NR3C2: variants seen among roughly 807,000 people sequenced by gnomAD.
The protein encoded by NR3C2 is nuclear receptor subfamily 3 group C member 2.
A neutral mutation model predicts 86.4 loss-of-function variants in NR3C2; 15 were observed. That is an observed-to-expected ratio of 0.17 (90% CI 0.12 to 0.27). The LOEUF (loss-of-function observed/expected upper bound fraction) is 0.27. Ranked by LOEUF, NR3C2 falls within the 10% of genes least tolerant of loss-of-function variation. NR3C2 has a pLI of 1.00. For missense variants in NR3C2, 960 were observed against 1,195.6 expected, an observed-to-expected ratio of 0.80 and a Z score of 2.91; for synonymous variants, 458 against 450.5, an observed-to-expected ratio of 1.02 and a Z score of -0.21.
chr4:148,275,941 C>T (rs1392745677), intron 2 of NR3C2, among the ~76,000 whole-genome samples: 1 of 151,926 alleles, frequency 6.6e-6, no homozygotes, highest in Non-Finnish European at 1.5e-5. Flanking sequence ...ATGTATGACA[C>T]ATTATGTATT....
chr4:148,390,210 T>A, intron 2 of NR3C2, among the ~76,000 whole-genome samples: 1 of 143,182 alleles, frequency 7.0e-6, no homozygotes, highest in Non-Finnish European at 1.5e-5. Flanking sequence ...CTGCGGGAAA[T>A]ATGATCAGGA....
chr4:148,277,427 A>T (rs1462921224), intron 2 of NR3C2, among the ~76,000 whole-genome samples: 1 of 152,188 alleles, frequency 6.6e-6, no homozygotes, highest in Non-Finnish European at 1.5e-5. Flanking sequence ...CATCAAAAAC[A>T]TATGTAAGCC....
chr4:148,354,212 C>A (rs528830884), intron 2 of NR3C2, among the ~76,000 whole-genome samples: 11 of 152,020 alleles, frequency 7.2e-5, no homozygotes, highest in Admixed American at 7.2e-4. Flanking sequence ...ACTTAATGAA[C>A]AGTTAAGTAT....
chr4:148,345,846 T>C (rs1210646434), intron 2 of NR3C2, among the ~76,000 whole-genome samples: 3 of 152,046 alleles, frequency 2.0e-5, no homozygotes, highest in Non-Finnish European at 4.4e-5. Context: ...AGAGCAAAAG[T>C]TGGACCCAGT....
intron 2 of NR3C2, among the ~76,000 whole-genome samples, chr4:148,426,260 C>T (rs191314096): frequency 1.3e-5 from 2 of 152,320 alleles, no homozygotes; most frequent in African/African-American, 4.8e-5. Flanking sequence ...CAATCCAATC[C>T]AATCCCTTCT....
intron 2 of NR3C2, among the ~76,000 whole-genome samples, chr4:148,321,653 G>T (rs1328513662): frequency 1.3e-5 from 2 of 151,962 alleles, no homozygotes; most frequent in African/African-American, 2.4e-5. Context: ...TGTCTCTTTT[G>T]ATCTTTGTTG....
chr4:148,410,587 T>C (rs1748646054), intron 2 of NR3C2, among the ~76,000 whole-genome samples: 1 of 152,130 alleles, frequency 6.6e-6, no homozygotes, highest in African/African-American at 2.4e-5. Flanking sequence ...GAAATAAAAT[T>C]AAAATACAAC....
chr4:148,175,418 A>G (rs1735329974), intron 4 of NR3C2, among the ~76,000 whole-genome samples: 1 of 152,154 alleles, frequency 6.6e-6, no homozygotes, highest in Non-Finnish European at 1.5e-5. Context: ...GATGATTCTG[A>G]GCTGCAGTGA....
intron 2 of NR3C2, among the ~76,000 whole-genome samples, chr4:148,367,936 G>T (rs945209190): frequency 6.6e-6 from 1 of 150,544 alleles, no homozygotes; most frequent in African/African-American, 2.4e-5. Flanking sequence ...ACCCAGAGAG[G>T]CACCAGAGCA....
chr4:148,307,723 G>A (rs1309574641), intron 2 of NR3C2, among the ~76,000 whole-genome samples: 9 of 152,074 alleles, frequency 5.9e-5, no homozygotes, highest in African/African-American at 2.2e-4. Flanking sequence ...GAAGGGTAAA[G>A]TCACAAAGGA....
At chr4:148,290,104 A>C (rs972372050) in intron 2 of NR3C2, among the ~76,000 whole-genome samples, 2 of 152,154 alleles carry the variant, frequency 1.3e-5, no homozygotes, top group African/African-American at 4.8e-5. Context: ...AGGTGTTAGC[A>C]AACTGAGTTT....
intron 2 of NR3C2, among the ~76,000 whole-genome samples, chr4:148,396,647 C>T (rs1413341845): frequency 6.6e-6 from 1 of 152,074 alleles, no homozygotes; most frequent in African/African-American, 2.4e-5. Context: ...AATATAGGGA[C>T]AAAAATGTAT....
upstream of NR3C2, chr4:148,442,842 T>C (rs551421037): frequency 2.4e-5 from 24 of 985,290 alleles, no homozygotes; most frequent in East Asian, 1.9e-3. Context: ...TCCACCCTGC[T>C]CTCCTTCTGA....
chr4:148,204,156 C>A (rs186738876), intron 3 of NR3C2, among the ~76,000 whole-genome samples: 1 of 151,938 alleles, frequency 6.6e-6, no homozygotes, highest in Non-Finnish European at 1.5e-5. Context: ...AAAAGATAAT[C>A]AAAGATAATA....
intron 2 of NR3C2, among the ~76,000 whole-genome samples, chr4:148,323,056 T>C (rs1281346594): frequency 3.4e-5 from 5 of 148,252 alleles, no homozygotes; most frequent in Admixed American, 6.7e-5. Flanking sequence ...GATGGGTTTT[T>C]GGTGTGGATG....
At chr4:148,380,768 C>T (rs1275326005) in intron 2 of NR3C2, among the ~76,000 whole-genome samples, 1 of 152,082 alleles carries the variant, frequency 6.6e-6, no homozygotes, top group Non-Finnish European at 1.5e-5. Flanking sequence ...CTAACAAGTG[C>T]TATAACAATG....
chr4:148,340,649 C>T (rs974057216), intron 2 of NR3C2, among the ~76,000 whole-genome samples: 3 of 152,022 alleles, frequency 2.0e-5, no homozygotes, highest in African/African-American at 7.2e-5. Flanking sequence ...TCCTATCAAG[C>T]TAAAAAGCTT....
chr4:148,320,819 A>G (rs976654863), intron 2 of NR3C2, among the ~76,000 whole-genome samples: 1 of 150,584 alleles, frequency 6.6e-6, no homozygotes, highest in Non-Finnish European at 1.5e-5. Flanking sequence ...TGATCCTTTC[A>G]AAAAACCAGC....
chr4:148,081,322 A>G lies in NR3C2; in HGVS notation c.*22T>C. ...AACAACACAGGGAAACTTAAGGCAA[A>G]GTTCTTCTGGGCAGCGGGCAGTCAC... On this transcript the variant is annotated 3_prime_UTR_variant, in exon 9 of 9. Coordinates refer to ENST00000358102, the MANE Select transcript of NR3C2 (RefSeq NM_000901.5). 1 of 1,614,150 alleles carries G rather than the reference A, an allele frequency of 6.2e-7. No homozygotes were observed.
Sources: allele counts gnomAD v4.1 joint callset (sites outside exome capture counted in the v4.1 genomes callset), GRCh38; gene constraint gnomAD v4.1.1; transcripts MANE v1.5; gene names NCBI Gene and HGNC (gene_info 2026-07-23, HGNC 2026-07-21).